AHCYL2: variants seen among roughly 807,000 people sequenced by gnomAD.
The protein encoded by AHCYL2 is S-adenosylhomocysteine hydrolase-like protein 2.
Under a neutral mutation model 81.4 loss-of-function variants are expected in AHCYL2, and 28 were observed. The ratio of observed to expected loss-of-function variants is 0.34; its 90% CI spans 0.25 to 0.47. The LOEUF is 0.47. AHCYL2 is among the 20% of genes least tolerant of loss of function. The probability of loss-of-function intolerance (pLI) is 1.00; values close to 1 mark genes in which losing one functional copy is unlikely to be tolerated. For synonymous variants in AHCYL2, 272 were observed against 290.2 expected, an observed-to-expected ratio of 0.94 and a Z score of 0.64; for missense variants, 551 against 785.1, an observed-to-expected ratio of 0.70 and a Z score of 3.56.
chr7:129,368,111 T>C lies in AHCYL2; in HGVS notation c.364-11527T>C. ...GGGTGGGAGAGAATTCACAAGTGCC[T>C]CACACACAGGGAAAGAAGGAAGTCC... On this transcript the variant is annotated intron_variant, in intron 1 of 16. Transcript: ENST00000325006. The surrounding 1 kb of genome is among the most constrained non-coding windows in gnomAD (Gnocchi z 4.4). 1 of 1,022,720 alleles carries C rather than the reference T, an allele frequency of 9.8e-7. No homozygotes were observed. Among genetic ancestry groups the C allele is most frequent in the Non-Finnish European group, 1.2e-6 (1 of 853,724 alleles). 63.4% of individuals were successfully genotyped at this position (1,022,720 alleles called of 1,614,324 possible).
intron 1 of AHCYL2, among the ~76,000 whole-genome samples, chr7:129,229,799 C>T (rs1794353839): frequency 6.6e-6 from 1 of 152,134 alleles, no homozygotes; most frequent in Non-Finnish European, 1.5e-5. Context: ...GCATCTTATA[C>T]AGAAAAGCAT....
intron 1 of AHCYL2, among the ~76,000 whole-genome samples, chr7:129,290,690 G>A (rs1333328899): frequency 6.6e-6 from 1 of 152,030 alleles, no homozygotes; most frequent in Admixed American, 6.6e-5. Context: ...CAGCACTTTG[G>A]GAGGCTGAGG....
intron 15 of AHCYL2, among the ~76,000 whole-genome samples, chr7:129,425,751 G>A (rs955834033): frequency 6.6e-6 from 1 of 152,180 alleles, no homozygotes; most frequent in African/African-American, 2.4e-5. Flanking sequence ...TAAGCTTCTG[G>A]TTTTGTTTTG....
intron 1 of AHCYL2, among the ~76,000 whole-genome samples, chr7:129,250,589 T>A (rs373581757): frequency 6.6e-6 from 1 of 152,222 alleles, no homozygotes; most frequent in Non-Finnish European, 1.5e-5. Context: ...GTGGCAACAG[T>A]GGACATGTTT....
chr7:129,403,978 G>GTT (rs546383637), intron 7 of AHCYL2, among the ~76,000 whole-genome samples: 3 of 139,754 alleles, frequency 2.1e-5, no homozygotes, highest in Admixed American at 7.3e-5. Context: ...GATCTCTCTT[G>GTT]TTTTTTTTTT....
At chr7:129,330,753 G>A (rs555694959) in intron 1 of AHCYL2, among the ~76,000 whole-genome samples, 11 of 152,292 alleles carry the variant, frequency 7.2e-5, no homozygotes, top group African/African-American at 2.4e-4. Flanking sequence ...GAGCCACCAC[G>A]CCCGGCCTCT....
In AHCYL2 at chr7:129,290,876, G is replaced by C. The variant is rs193032976; in HGVS notation, c.363+65437G>C. 5.6e-3 allele frequency among the ~76,000 whole-genome samples: 850 copies of C among 151,306 alleles called. 7 individuals carry two copies. Among genetic ancestry groups the C allele is most frequent in the African/African-American group, 0.02 (823 of 41,226 alleles). On this transcript the variant is annotated intron_variant, in intron 1 of 16. Coordinates refer to ENST00000325006, the MANE Select transcript of AHCYL2 (RefSeq NM_015328.4). ...ACCCGGGAGGTGGAGTGTGCAGTGA[G>C]CCGAGATCACGCCACTGCACTCTAG...
intron 1 of AHCYL2, among the ~76,000 whole-genome samples, chr7:129,252,080 C>G (rs1306544286): frequency 1.3e-5 from 2 of 152,070 alleles, no homozygotes; most frequent in Non-Finnish European, 2.9e-5. Flanking sequence ...CGAGCTGAGC[C>G]CCAGTCATGA....
At chr7:129,261,413 A>G (rs1246498993) in intron 1 of AHCYL2, among the ~76,000 whole-genome samples, 1 of 152,238 alleles carries the variant, frequency 6.6e-6, no homozygotes, top group African/African-American at 2.4e-5. Context: ...TTGATTAATA[A>G]TCTTAGAATC....
intron 1 of AHCYL2, among the ~76,000 whole-genome samples, chr7:129,340,300 G>T (rs1793127473): frequency 6.8e-6 from 1 of 147,140 alleles, no homozygotes; most frequent in Non-Finnish European, 1.5e-5. Flanking sequence ...GGGCGCGGTG[G>T]CTCACGCCTG....
chr7:129,340,491 T>C (rs190614966), intron 1 of AHCYL2, among the ~76,000 whole-genome samples: 3,858 of 149,194 alleles, frequency 0.026, 162 homozygotes, highest in African/African-American at 0.089. Flanking sequence ...TGGCGTGAAC[T>C]CGGGAGGCGG....
At chr7:129,227,477 A>G (rs1584678086) in intron 1 of AHCYL2, among the ~76,000 whole-genome samples, 1 of 126,056 alleles carries the variant, frequency 7.9e-6, no homozygotes. Flanking sequence ...AAAAAAAAAA[A>G]GAGCCGGGCA....
At chr7:129,337,473 C>T (rs1798644176) in intron 1 of AHCYL2, among the ~76,000 whole-genome samples, 1 of 152,104 alleles carries the variant, frequency 6.6e-6, no homozygotes, top group Admixed American at 6.5e-5. Context: ...GATCTCAGCT[C>T]AGTACAACCT....
chr7:129,348,368 C>T (rs909669121), intron 1 of AHCYL2, among the ~76,000 whole-genome samples: 2 of 151,706 alleles, frequency 1.3e-5, no homozygotes, highest in Non-Finnish European at 2.9e-5. Context: ...GATATGCTAC[C>T]ATCTGTGTAG....
At chr7:129,405,972 T>A (rs1796286903) in intron 9 of AHCYL2, 73 bp downstream of exon 9, 2 of 1,412,096 alleles carry the variant, frequency 1.4e-6, no homozygotes, top group South Asian at 1.2e-5. Flanking sequence ...TTTTTATTTG[T>A]ATGGACATAT....
chr7:129,273,321 C>CTT (rs35236990), intron 1 of AHCYL2, among the ~76,000 whole-genome samples: 43,839 of 76,014 alleles, frequency 0.58, 14,533 homozygotes, highest in East Asian at 0.63. Flanking sequence ...TTTGCTAAGA[C>CTT]TTTTTTTTTT....
At chr7:129,312,950 A>G (rs980498068) in intron 1 of AHCYL2, among the ~76,000 whole-genome samples, 4 of 152,014 alleles carry the variant, frequency 2.6e-5, no homozygotes, top group African/African-American at 9.7e-5. Flanking sequence ...CTCTTCACCA[A>G]TCCCTGCTTC....
chr7:129,411,566 C>A (rs1187372057), intron 11 of AHCYL2, among the ~76,000 whole-genome samples: 1 of 152,082 alleles, frequency 6.6e-6, no homozygotes, highest in Non-Finnish European at 1.5e-5. Context: ...TCGAGACCAG[C>A]CTGGCCAACA....
At chr7:129,277,630 T>C (rs1307731969) in intron 1 of AHCYL2, among the ~76,000 whole-genome samples, 1 of 152,158 alleles carries the variant, frequency 6.6e-6, no homozygotes, top group Non-Finnish European at 1.5e-5. Flanking sequence ...CTGATCTGCT[T>C]CATATAATAA....
Sources: allele counts gnomAD v4.1 joint callset (sites outside exome capture counted in the v4.1 genomes callset), GRCh38; gene constraint gnomAD v4.1.1; non-coding constraint Gnocchi (gnomAD v3.1); transcripts MANE v1.5; gene names NCBI Gene and HGNC (gene_info 2026-07-23, HGNC 2026-07-21).